The following GRM6 variants were observed in gnomAD, a reference collection of about 807,000 sequenced individuals.
GRM6 encodes the protein glutamate metabotropic receptor 6, also known as metabotropic glutamate receptor 6.
Under a neutral mutation model 78.4 loss-of-function variants are expected in GRM6, and 73 were observed. The observed-to-expected ratio is 0.93, with a 90% CI of 0.77 to 1.13. The LOEUF (loss-of-function observed/expected upper bound fraction) is 1.13. GRM6 is among the 50% of genes most tolerant of loss of function. GRM6 has a pLI of 0.00. For synonymous variants in GRM6, 580 were observed against 555.0 expected, an observed-to-expected ratio of 1.05 and a Z score of -0.63; for missense variants, 1,251 against 1,256.4, an observed-to-expected ratio of 1.00 and a Z score of 0.07.
chr5:178,994,656 C>T lies in GRM6; in HGVS notation c.289G>A (p.Asp97Asn), dbSNP rs773492090. The T allele has an allele frequency of 3.4e-6, 5 of 1,466,732 alleles. No homozygotes were observed. In the South Asian group the frequency reaches 5.1e-5, roughly 15 times the overall value. The allele number at this position is 1,466,732 out of a possible 1,614,324, so 90.9% of individuals were successfully genotyped here. ...PGVRLGARLLDTCSRDTYALE... is the reference protein window; with the variant it reads ...PGVRLGARLLNTCSRDTYALE... ...GCGTAGGTGTCCCGCGAGCAGGTGT[C>T]CAGCAGCCGCGCGCCCAGGCGCACG... Residue 97 changes from aspartate (D) to asparagine (N), a missense_variant, in exon 2 of 11, where the codon GAC (aspartate) becomes AAC (asparagine). Asp to Asn is a conservative substitution (Grantham distance 23). Transcript: ENST00000517717.
intron 6 of GRM6, 39 bp from the exon 7 acceptor site, chr5:178,989,174 C>T: frequency 6.2e-7 from 1 of 1,602,864 alleles, no homozygotes. Context: ...GCCCGGCCCC[C>T]ATGCACCGAA....
rs776142182 is a variant in GRM6, at chr5:178,983,093, G to C, written c.2253C>G (p.Leu751=). ...VLKCDMSDLS[L]IGCLGYSLLL... ...GGAGGCTGTAGCCCAGGCAGCCGAT[G>C]AGAGACAGATCCGACATGTCGCACT... Residue 751 remains leucine (L), a synonymous_variant, in exon 10 of 11, where the codon CTC becomes CTG. Coordinates refer to ENST00000517717, the MANE Select transcript of GRM6 (RefSeq NM_000843.4). The C allele has an allele frequency of 3.1e-6, 5 of 1,614,192 alleles. No individual in the cohort carries two copies. In the Admixed American group the frequency reaches 8.3e-5, roughly 27 times the overall value.
At position 178,981,768 on chromosome 5, in the gene GRM6, G is replaced by A. The variant is rs751154371; in HGVS notation, c.2523C>T (p.Tyr841=). Residue 841 remains tyrosine (Y), a synonymous_variant, in exon 11 of 11, where the codon TAC becomes TAT. Transcript: ENST00000517717. This position sits in a 1 kb window ranked among gnomAD's most constrained non-coding sequence, Gnocchi z 5.1. ...TCTGCTCTGGATGGAAGAGGATGAC[G>A]TAGGTTTTGGGTACGTAGAGCATGC... is the stretch of plus-strand genomic sequence containing the variant. ...SLGMLYVPKT[Y]VILFHPEQNV... is the part of the protein sequence containing the mutation. 8 of 1,612,816 alleles carry A rather than the reference G, an allele frequency of 5.0e-6. No individual in the cohort carries two copies. The Admixed American group carries it at 5.0e-5, about 10-fold the overall frequency.
chr5:178,986,256 A>G lies in GRM6; in HGVS notation c.1998T>C (p.Ser666=), dbSNP rs1298823783. Residue 666 remains serine (S), a synonymous_variant, in exon 9 of 11, where the codon TCT becomes TCC. Coordinates refer to ENST00000517717, the MANE Select transcript of GRM6 (RefSeq NM_000843.4). ...FLGLGTTLSY[S]ALLTKTNRIY... The stretch of plus-strand genomic sequence containing the variant: ...TACGGTTGGTCTTGGTGAGCAGGGC[A>G]GAGTAGCTGAGGGTCGTGCCCAGGC... 6.2e-7 allele frequency: 1 copy of G among 1,614,156 alleles called. No individual in the cohort carries two copies. The highest frequency in any genetic ancestry group is 8.5e-7 in the Non-Finnish European group (1 of 1,180,010).
intron 2 of GRM6, among the ~76,000 whole-genome samples, chr5:178,993,830 G>A (rs1319825353): frequency 6.6e-6 from 1 of 152,174 alleles, no homozygotes; most frequent in Non-Finnish European, 1.5e-5. Context: ...ACCTGCGCAG[G>A]GCAGGGTGCA....
At position 178,994,606 on chromosome 5, in the gene GRM6, C is replaced by A; in HGVS notation, c.339G>T (p.Val113=). The A allele has an allele frequency of 7.0e-7, 1 of 1,426,460 alleles. No individual in the cohort carries two copies. Among genetic ancestry groups the A allele is most frequent in the South Asian group, 1.4e-5 (1 of 72,000 alleles). The allele number at this position is 1,426,460 out of a possible 1,614,324, so 88.4% of individuals were successfully genotyped here. A position where few individuals can be genotyped will look rare whatever the true frequency, so the allele number is the denominator to read the frequency against. ...TYALEQALSF[V]QALIRGRGDG... ...CGCCGCGGCCGCGGATCAGCGCCTG[C>A]ACGAAGCTCAGCGCCTGCTCCAGCG... The change falls in exon 2 of 11, where the codon GTG becomes GTT. Residue 113 remains valine, a synonymous_variant. Coordinates refer to ENST00000517717, the MANE Select transcript of GRM6 (RefSeq NM_000843.4).
rs756442751 is a variant in GRM6 at position 178,986,633 on chromosome 5, C to T, written c.1621G>A (p.Glu541Lys). 1.4e-5 allele frequency: 23 copies of T among 1,602,746 alleles called. No homozygotes were observed. Among genetic ancestry groups the T allele is most frequent in the East Asian group, 4.5e-5 (2 of 44,868 alleles). Residue 541 changes from glutamate (E) to lysine (K), a missense_variant, in exon 9 of 11, where the codon GAG becomes AAG. Transcript: ENST00000517717. ...VKGVPCCWHC[E>K]ACDGYRFQVD... ...TGGAAGCGGTACCCGTCACAGGCCTCGCAGTGCCAACAGCAGGGGACGCCC... is the reference window on the plus strand; with the variant it reads ...TGGAAGCGGTACCCGTCACAGGCCTTGCAGTGCCAACAGCAGGGGACGCCC...
intron 9 of GRM6, chr5:178,985,661 C>T (rs1399431483): frequency 1.5e-5 from 6 of 396,980 alleles, no homozygotes; most frequent in Admixed American, 6.4e-5. Flanking sequence ...TGAGATAGTG[C>T]CACTGCACTC....
In GRM6 at chr5:178,991,913, A is replaced by G; in HGVS notation, c.675T>C (p.Tyr225=). The G allele has an allele frequency of 6.2e-7, 1 of 1,614,090 alleles. No individual in the cohort carries two copies. The highest frequency in any genetic ancestry group is 8.5e-7 in the Non-Finnish European group (1 of 1,180,018). ...CGAAGGCCTCAACCCCACTTTCGCC[A>G]TAGTTGCCCTCGGAGGCCAGCGTGG... is the stretch of plus-strand genomic sequence containing the variant. ...YVSTLASEGN[Y]GESGVEAFVQ... The change falls in exon 3 of 11, where the codon TAT becomes TAC. Residue 225 remains tyrosine (Y), a synonymous_variant. Coordinates refer to ENST00000517717, the MANE Select transcript of GRM6 (RefSeq NM_000843.4). This position sits in a 1 kb window ranked among gnomAD's most constrained non-coding sequence, Gnocchi z 5.0.
Position 178,981,648 on chromosome 5 carries a change from C to T in GRM6, c.*9G>A, listed in dbSNP as rs1483016697. ...GAGGCAGCAAGCAGTCCCGTTCCCACCTGCCCTGCTACTTGTGGGCCTCTG... is the reference window on the plus strand; with the variant it reads ...GAGGCAGCAAGCAGTCCCGTTCCCATCTGCCCTGCTACTTGTGGGCCTCTG... On this transcript the variant is annotated 3_prime_UTR_variant, in exon 11 of 11. Transcript: ENST00000517717. The surrounding 1 kb of genome is among the most constrained non-coding windows in gnomAD (Gnocchi z 5.1). 2 of 1,608,210 alleles carry T rather than the reference C, an allele frequency of 1.2e-6. No individual in the cohort carries two copies. The highest frequency in any genetic ancestry group is 1.7e-6 in the Non-Finnish European group (2 of 1,174,638).
chr5:178,986,665 A>G lies in GRM6; in HGVS notation c.1589T>C (p.Met530Thr). 1.2e-6 allele frequency: 2 copies of G among 1,602,916 alleles called. No homozygotes were observed. The highest frequency in any genetic ancestry group is 1.7e-6 in the Non-Finnish European group (2 of 1,179,878). ...LPCGPGERKK[M>T]VKGVPCCWHC... The stretch of plus-strand genomic sequence containing the variant: ...CCAACAGCAGGGGACGCCCTTCACC[A>G]TCTTCTTCCGCTCCCCCGGCCCGCA... The change falls in exon 9 of 11, where the codon ATG becomes ACG. Residue 530 changes from methionine to threonine, a missense_variant. Physicochemically the swap from Met to Thr is moderately conservative, Grantham distance 81 (BLOSUM62 -1). Transcript: ENST00000517717.
At chr5:178,990,307 A>T (rs752231371) in intron 5 of GRM6, among the ~76,000 whole-genome samples, 1 of 152,188 alleles carries the variant, frequency 6.6e-6, no homozygotes, top group Non-Finnish European at 1.5e-5. Context: ...TCAGATTAGA[A>T]TGTCTTTGGC....
chr5:178,987,047 G>GC, intron 7 of GRM6, 64 bp from the exon 8 acceptor site: 1 of 1,538,636 alleles, frequency 6.5e-7, no homozygotes, highest in Non-Finnish European at 8.9e-7. Flanking sequence ...TCCTGGGGAG[G>GC]CCCCAGGGAC....
rs1760571273 is a variant in GRM6 at position 178,986,834 on chromosome 5, T to C, written c.1500+4A>G. ...CCCACCTGGGGCTCGGTCTGCACAC[T>C]CACATCCAGTCTGAGGGTCTCTGCC... On this transcript the variant is annotated splice_donor_region_variant and intron_variant, in intron 8 of 10. Transcript: ENST00000517717. 1 of 1,613,570 alleles carries C rather than the reference T, an allele frequency of 6.2e-7. No homozygotes were observed. The highest frequency in any genetic ancestry group is 1.3e-5 in the African/African-American group (1 of 74,928).
rs1442683425 is a variant in GRM6, at chr5:178,989,289, C to A, written c.1129G>T (p.Asp377Tyr). The part of the protein sequence containing the change: ...CKLTSSGTQS[D>Y]DSTRKCTGEE... ...CCTGTGCATTTGCGGGTGGAATCGT[C>A]TGACTGGGTACCTGAGCTGGTCAGT... The change falls in exon 6 of 11, where the codon GAC becomes TAC. Residue 377 changes from aspartate to tyrosine, a missense_variant. Coordinates refer to ENST00000517717, the MANE Select transcript of GRM6 (RefSeq NM_000843.4). 6.5e-7 allele frequency: 1 copy of A among 1,539,756 alleles called. No homozygotes were observed. The highest frequency in any genetic ancestry group is 2.6e-5 in the East Asian group (1 of 38,754).
At chr5:178,982,869 G>A (rs1213500257) in intron 10 of GRM6, 41 bp downstream of exon 10, 1 of 1,408,402 alleles carries the variant, frequency 7.1e-7, no homozygotes, top group East Asian at 2.3e-5. Flanking sequence ...CAGCCTGACA[G>A]GCAGGAAACA....
chr5:178,981,873 G>T lies in GRM6; in HGVS notation c.2437-19C>A. On this transcript the variant is annotated intron_variant, in intron 10 of 10. Coordinates refer to ENST00000517717, the MANE Select transcript of GRM6 (RefSeq NM_000843.4). The surrounding 1 kb of genome is among the most constrained non-coding windows in gnomAD (Gnocchi z 5.1). Reference sequence around the variant, plus strand: ...TGTAGATCTAGGCCATGGAAGAGGGGACCAGATGGGACTCAGCCCTGCTCT... The same window carrying T: ...TGTAGATCTAGGCCATGGAAGAGGGTACCAGATGGGACTCAGCCCTGCTCT... The T allele has an allele frequency of 2.0e-6, 3 of 1,471,404 alleles. No homozygotes were observed. Among genetic ancestry groups the T allele is most frequent in the South Asian group, 1.1e-5 (1 of 88,116 alleles). 91.1% of individuals were successfully genotyped at this position (1,471,404 alleles called of 1,614,324 possible).
At position 178,991,967 on chromosome 5, in the gene GRM6, G is replaced by T; in HGVS notation, c.621C>A (p.Ile207=). ...CATAGTTCCATCCCAGTGCCCTCAC[G>T]ATGTCCACCATGGCCTGCGCCTGGT... ...DSYQAQAMVD[I]VRALGWNYVS... Residue 207 remains isoleucine (I), a synonymous_variant, in exon 3 of 11, where the codon ATC becomes ATA. Coordinates refer to ENST00000517717, the MANE Select transcript of GRM6 (RefSeq NM_000843.4). This position sits in a 1 kb window ranked among gnomAD's most constrained non-coding sequence, Gnocchi z 5.0. 1 of 1,614,084 alleles carries T rather than the reference G, an allele frequency of 6.2e-7. No individual in the cohort carries two copies. The highest frequency in any genetic ancestry group is 8.5e-7 in the Non-Finnish European group (1 of 1,179,996).
chr5:178,982,364 G>A (rs1225404594), intron 10 of GRM6, among the ~76,000 whole-genome samples: 1 of 152,066 alleles, frequency 6.6e-6, no homozygotes, highest in Non-Finnish European at 1.5e-5. Flanking sequence ...GGTCACTTGA[G>A]GTCAAGAATT....
Sources: allele counts gnomAD v4.1 joint callset (sites outside exome capture counted in the v4.1 genomes callset), GRCh38; gene constraint gnomAD v4.1.1; non-coding constraint Gnocchi (gnomAD v3.1); transcripts MANE v1.5; gene names NCBI Gene and HGNC (gene_info 2026-07-23, HGNC 2026-07-21).